MINDY3: variants seen among roughly 807,000 people sequenced by gnomAD.
MINDY3 encodes ubiquitin carboxyl-terminal hydrolase MINDY-3.
MINDY3 carries 38 observed loss-of-function variants against 69.2 expected under a neutral mutation model. That is an observed-to-expected ratio of 0.55 (90% CI 0.42 to 0.72). The LOEUF (loss-of-function observed/expected upper bound fraction) is 0.72, where lower values mean the gene tolerates loss of function less well. Among genes scored for constraint, MINDY3 ranks in the 30% least tolerant of loss-of-function variants. The pLI, the probability that MINDY3 is intolerant of heterozygous loss-of-function variation, is 0.00. For missense variants in MINDY3, 522 were observed against 519.0 expected (o/e 1.01, Z -0.06); for synonymous variants, 192 against 180.1 (o/e 1.07, Z -0.53).
intron 9 of MINDY3, among the ~76,000 whole-genome samples, chr10:15,820,373 C>T (rs1588585285): frequency 6.6e-6 from 1 of 152,270 alleles, no homozygotes; most frequent in East Asian, 1.9e-4. Context: ...AAGGGATACA[C>T]AGGAAATATT....
In MINDY3 at chr10:15,778,987, A is replaced by G. The variant is rs77049559; in HGVS notation, c.*5T>C. ...TAAGATCTTCCTTATAAATACTTAG[A>G]CAAATTAATTTAGTGAAGGAGAGCG... On this transcript the variant is annotated 3_prime_UTR_variant, in exon 15 of 15. Transcript: ENST00000277632. 3,037 of 1,611,610 alleles carry G rather than the reference A, an allele frequency of 1.9e-3. 51 individuals are homozygous for G. The African/African-American group carries it at 0.034, about 18-fold the overall frequency.
intron 10 of MINDY3, among the ~76,000 whole-genome samples, chr10:15,801,380 A>AAAG (rs1288537719): frequency 1.3e-5 from 2 of 152,152 alleles, no homozygotes; most frequent in African/African-American, 4.8e-5. Context: ...GCTGTATAAG[A>AAAG]AAGAAGGCCT....
At chr10:15,813,989 A>G (rs1839186089) in intron 10 of MINDY3, among the ~76,000 whole-genome samples, 1 of 151,466 alleles carries the variant, frequency 6.6e-6, no homozygotes, top group Non-Finnish European at 1.5e-5. Context: ...AAAAAAAAAA[A>G]AAAAAGAAAA....
intron 4 of MINDY3, among the ~76,000 whole-genome samples, chr10:15,839,323 G>A (rs559022429): frequency 1.3e-5 from 2 of 151,688 alleles, no homozygotes; most frequent in Admixed American, 6.6e-5. Context: ...GAAACAAACT[G>A]AAATTGAACC....
At chr10:15,797,419 T>G (rs927083261) in intron 10 of MINDY3, among the ~76,000 whole-genome samples, 3 of 152,168 alleles carry the variant, frequency 2.0e-5, no homozygotes. Context: ...TCACTGCATT[T>G]CCAACATTAT....
intron 10 of MINDY3, among the ~76,000 whole-genome samples, chr10:15,816,288 G>GAAAAAAAAAAAAAAAGAAAA (rs1331576458): frequency 8.8e-6 from 1 of 113,956 alleles, no homozygotes; most frequent in African/African-American, 5.4e-5. Context: ...AAATGAAAAA[G>GAAAAAAAAAAAAAAAGAAAA]AAAAAAAATA....
intron 10 of MINDY3, among the ~76,000 whole-genome samples, chr10:15,811,237 A>C (rs1838976088): frequency 6.6e-6 from 1 of 152,192 alleles, no homozygotes; most frequent in Non-Finnish European, 1.5e-5. Context: ...CGAAGTTGAA[A>C]TGTCAAAGAT....
chr10:15,859,749 G>C (rs553348783), intron 1 of MINDY3, among the ~76,000 whole-genome samples: 30 of 152,172 alleles, frequency 2.0e-4, no homozygotes, highest in Non-Finnish European at 2.2e-4. Context: ...ACAAAAAACT[G>C]CTTTTTGGAA....
chr10:15,854,757 C>A (rs1386911066), intron 1 of MINDY3, among the ~76,000 whole-genome samples: 2 of 151,926 alleles, frequency 1.3e-5, no homozygotes, highest in African/African-American at 2.4e-5. Context: ...ACAATTTTCT[C>A]CAGCAATACA....
chr10:15,809,274 T>G (rs1400911024), intron 10 of MINDY3, among the ~76,000 whole-genome samples: 1 of 152,170 alleles, frequency 6.6e-6, no homozygotes, highest in Non-Finnish European at 1.5e-5. Context: ...CCTAACATAT[T>G]TGACATATTA....
chr10:15,828,194 G>A (rs528641343), intron 8 of MINDY3, among the ~76,000 whole-genome samples: 59 of 152,232 alleles, frequency 3.9e-4, no homozygotes, highest in African/African-American at 1.3e-3. Flanking sequence ...ACATGTTGGC[G>A]AACAAATGAA....
intron 8 of MINDY3, among the ~76,000 whole-genome samples, chr10:15,822,267 T>A (rs547168466): frequency 6.6e-6 from 1 of 152,168 alleles, no homozygotes; most frequent in South Asian, 2.1e-4. Context: ...TAGAAAATGA[T>A]CTCTGCCTTA....
At chr10:15,830,884 G>A (rs772466782) in intron 8 of MINDY3, among the ~76,000 whole-genome samples, 1 of 152,136 alleles carries the variant, frequency 6.6e-6, no homozygotes, top group Non-Finnish European at 1.5e-5. Context: ...TGGCCTGGTC[G>A]TTACACATCA....
rs1054008424 is a variant in MINDY3, at chr10:15,819,448, T to A, written c.801+2208A>T. ...CTAATTAAGTTCTTATTCCAGCCAC[T>A]ACCATTATAGGTCTCCCACACTCCA... is the stretch of plus-strand genomic sequence containing the variant. On this transcript the variant is annotated intron_variant, in intron 9 of 14. Coordinates refer to ENST00000277632, the MANE Select transcript of MINDY3 (RefSeq NM_024948.4). 1.1e-4 allele frequency among the ~76,000 whole-genome samples: 16 copies of A among 152,146 alleles called. 1 individual carries two copies. The highest frequency in any genetic ancestry group is 3.2e-3 in the Middle Eastern group (1 of 316).
chr10:15,811,087 T>C (rs1346670932), intron 10 of MINDY3, among the ~76,000 whole-genome samples: 1 of 152,112 alleles, frequency 6.6e-6, no homozygotes, highest in Non-Finnish European at 1.5e-5. Flanking sequence ...GCCAATTATT[T>C]TGATAATGCA....
rs1429766811 is a variant in MINDY3 at position 15,779,130 on chromosome 10, T to C, written c.1200A>G (p.Val400=). ...AACCCATCACAACTGCAGTCCCTTCTACGTACATGACCTGTTGAACAAAAT... is the reference window on the plus strand; with the variant it reads ...AACCCATCACAACTGCAGTCCCTTCCACGTACATGACCTGTTGAACAAAAT... ...QSNYNEKVMY[V]EGTAVVMGFE... Residue 400 remains valine (V), a synonymous_variant, in exon 15 of 15, where the codon GTA becomes GTG. Coordinates refer to ENST00000277632, the MANE Select transcript of MINDY3 (RefSeq NM_024948.4). 6.2e-7 allele frequency: 1 copy of C among 1,613,386 alleles called. No homozygotes were observed. The highest frequency in any genetic ancestry group is 2.2e-5 in the East Asian group (1 of 44,854).
At position 15,838,486 on chromosome 10, in the gene MINDY3, T is replaced by A. The variant is rs1833239760; in HGVS notation, c.410-207A>T. 2.6e-5 allele frequency among the ~76,000 whole-genome samples: 4 copies of A among 151,768 alleles called. 1 individual carries two copies. The South Asian group carries it at 8.3e-4, about 31-fold the overall frequency. On this transcript the variant is annotated intron_variant, in intron 4 of 14. Coordinates refer to ENST00000277632, the MANE Select transcript of MINDY3 (RefSeq NM_024948.4). ...AATATAACTAAAATCGATATAATAC[T>A]GAGAATATAGAAGGGTGATTAAATA... is the stretch of plus-strand genomic sequence containing the variant.
At position 15,838,197 on chromosome 10, in the gene MINDY3, T is replaced by C. The variant is rs751258022; in HGVS notation, c.461+31A>G. Reference sequence around the variant, plus strand: ...TTAAAGTGGCAATGTGTCCACAGAGTAAGTATTTTAAATGTTCCAATGTTA... The same window carrying C: ...TTAAAGTGGCAATGTGTCCACAGAGCAAGTATTTTAAATGTTCCAATGTTA... On this transcript the variant is annotated intron_variant, in intron 5 of 14. Transcript: ENST00000277632. The C allele has an allele frequency of 1.8e-5, 28 of 1,588,138 alleles. 1 individual carries two copies. The highest frequency in any genetic ancestry group is 6.9e-5 in the East Asian group (3 of 43,706).
chr10:15,816,260 C>CAAAAAAAAAAAAAAAAAAAA (rs1164005904), intron 10 of MINDY3, among the ~76,000 whole-genome samples: 1 of 26,826 alleles, frequency 3.7e-5, no homozygotes, highest in African/African-American at 1.6e-4. Flanking sequence ...GACTCCATCT[C>CAAAAAAAAAAAAAAAAAAAA]AAAAAAAAAA....
Sources: gnomAD v4.1 joint callset for allele counts (sites outside exome capture counted in the v4.1 genomes callset) on GRCh38, gnomAD v4.1.1 for gene constraint, MANE v1.5 for transcripts, NCBI Gene and HGNC (gene_info 2026-07-23, HGNC 2026-07-21) for gene names.